The following CDH13 variants were observed in gnomAD, a reference collection of about 807,000 sequenced individuals.
CDH13 encodes the protein cadherin 13.
Under a neutral mutation model 63.8 loss-of-function variants are expected in CDH13, and 24 were observed. The ratio of observed to expected loss-of-function variants is 0.38; its 90% confidence interval spans 0.27 to 0.53. CDH13 has a LOEUF of 0.53. Ranked by LOEUF, CDH13 falls within the 20% of genes least tolerant of loss-of-function variation. The pLI is 0.85. For missense variants in CDH13, 1,049 were observed against 903.1 expected (o/e 1.16, Z -2.07); for synonymous variants, 503 against 355.3 (o/e 1.42, Z -4.67).
At chr16:83,168,881 A>G (rs146111641) in intron 4 of CDH13, among the ~76,000 whole-genome samples, 1 of 152,260 alleles carries the variant, frequency 6.6e-6, no homozygotes, top group African/African-American at 2.4e-5. Flanking sequence ...AAAACATCTC[A>G]TGGACTCTCA....
intron 1 of CDH13, among the ~76,000 whole-genome samples, chr16:82,741,008 C>A (rs929547176): frequency 6.6e-6 from 1 of 152,134 alleles, no homozygotes; most frequent in African/African-American, 2.4e-5. Context: ...ATTGAATAAC[C>A]CAAGCTAAAA....
chr16:83,069,432 A>G (rs1266220626), intron 3 of CDH13, among the ~76,000 whole-genome samples: 1 of 152,176 alleles, frequency 6.6e-6, no homozygotes, highest in Non-Finnish European at 1.5e-5. Flanking sequence ...CGTGCCAGGC[A>G]TTGTTTTATG....
intron 10 of CDH13, among the ~76,000 whole-genome samples, chr16:83,688,043 A>G (rs184276190): frequency 3.3e-5 from 5 of 152,368 alleles, no homozygotes; most frequent in Admixed American, 2.0e-4. Flanking sequence ...CTGGTAAAGA[A>G]TACAACATAG....
At chr16:83,344,403 A>G (rs948237373) in intron 5 of CDH13, among the ~76,000 whole-genome samples, 12 of 152,212 alleles carry the variant, frequency 7.9e-5, no homozygotes, top group Non-Finnish European at 1.3e-4. Flanking sequence ...AAAGCCCCCA[A>G]CAAATACTGA....
rs1224221608 is a variant in CDH13 at position 83,045,060 on chromosome 16, C to A, written c.366+12842C>A. Among the ~76,000 whole-genome samples the A allele has an allele frequency of 2.6e-5, 4 of 152,136 alleles. No individual in the cohort carries two copies. The East Asian group carries it at 7.7e-4, about 29-fold the overall frequency. On this transcript the variant is annotated intron_variant, in intron 3 of 13. Coordinates refer to ENST00000567109, the MANE Select transcript of CDH13 (RefSeq NM_001257.5). Reference sequence around the variant, plus strand: ...CTTTTTACAATTCCTCTCTTATCTGCAACTCCCAGAGAGATTCACATGGAG... The same window carrying A: ...CTTTTTACAATTCCTCTCTTATCTGAAACTCCCAGAGAGATTCACATGGAG...
At chr16:83,389,169 T>C (rs1411978189) in intron 6 of CDH13, among the ~76,000 whole-genome samples, 2 of 152,234 alleles carry the variant, frequency 1.3e-5, no homozygotes, top group Non-Finnish European at 1.5e-5. Context: ...TTTTCATTTT[T>C]TAATTAAAGA....
chr16:83,338,680 G>A (rs1042336171), intron 5 of CDH13, among the ~76,000 whole-genome samples: 2 of 152,226 alleles, frequency 1.3e-5, no homozygotes, highest in Non-Finnish European at 2.9e-5. Context: ...AAGATCTGAA[G>A]GATGAATAGC....
intron 6 of CDH13, among the ~76,000 whole-genome samples, chr16:83,443,416 A>G (rs900005473): frequency 6.6e-6 from 1 of 152,186 alleles, no homozygotes; most frequent in African/African-American, 2.4e-5. Context: ...GAATGTTACG[A>G]AAAGGTTTGA....
At chr16:82,929,558 A>G (rs546142005) in intron 2 of CDH13, among the ~76,000 whole-genome samples, 9 of 147,512 alleles carry the variant, frequency 6.1e-5, no homozygotes, top group African/African-American at 2.0e-4. Flanking sequence ...AGGCTGAAGC[A>G]GGAGAATGGC....
chr16:82,712,361 T>G (rs964687914), intron 1 of CDH13, among the ~76,000 whole-genome samples: 3 of 152,182 alleles, frequency 2.0e-5, no homozygotes, highest in African/African-American at 2.4e-5. Context: ...AAATGCTCCC[T>G]TCTGGGACTC....
At chr16:83,750,500 A>G (rs1172390738) in intron 11 of CDH13, among the ~76,000 whole-genome samples, 1 of 152,152 alleles carries the variant, frequency 6.6e-6, no homozygotes, top group African/African-American at 2.4e-5. Flanking sequence ...CCCTGGTTCC[A>G]TAGCATGTAC....
chr16:83,680,509 A>G (rs1915318633), intron 10 of CDH13, among the ~76,000 whole-genome samples: 1 of 152,166 alleles, frequency 6.6e-6, no homozygotes, highest in African/African-American at 2.4e-5. Flanking sequence ...GGGAGAGCTG[A>G]GACATTAAGG....
intron 10 of CDH13, among the ~76,000 whole-genome samples, chr16:83,700,693 A>G (rs1302448848): frequency 6.6e-6 from 1 of 152,246 alleles, no homozygotes; most frequent in Non-Finnish European, 1.5e-5. Context: ...TCGTCACAAA[A>G]AAATTAACAA....
chr16:83,411,153 T>C (rs1446600418), intron 6 of CDH13, among the ~76,000 whole-genome samples: 1 of 152,166 alleles, frequency 6.6e-6, no homozygotes, highest in African/African-American at 2.4e-5. Flanking sequence ...CTCATTCCTG[T>C]CTCAGGGACC....
intron 7 of CDH13, among the ~76,000 whole-genome samples, chr16:83,518,587 C>G (rs1200849242): frequency 1.3e-5 from 2 of 151,762 alleles, no homozygotes; most frequent in Admixed American, 1.3e-4. Context: ...ATTCTCCTGC[C>G]TCAGCCTTCC....
rs191468693 is a variant in CDH13, at chr16:83,382,667, T to C, written c.781+37661T>C. ...ATCTCCACACCCCGTTCAGGGTTTT[T>C]CTAGCCCTCCTACCTTTCCCTTCTT... On this transcript the variant is annotated intron_variant, in intron 6 of 13. Coordinates refer to ENST00000567109, the MANE Select transcript of CDH13 (RefSeq NM_001257.5). Among the ~76,000 whole-genome samples the C allele has an allele frequency of 3.5e-3, 538 of 152,266 alleles. 12 individuals are homozygous for C. Among genetic ancestry groups the C allele is most frequent in the Admixed American group, 0.031 (468 of 15,294 alleles).
intron 1 of CDH13, among the ~76,000 whole-genome samples, chr16:82,716,880 G>A (rs8059776): frequency 1.3e-5 from 2 of 151,344 alleles, no homozygotes; most frequent in Admixed American, 1.3e-4. Flanking sequence ...ACACGGGTCC[G>A]TCGTAAGATG....
At chr16:83,512,050 G>A (rs931930963) in intron 7 of CDH13, among the ~76,000 whole-genome samples, 5 of 152,122 alleles carry the variant, frequency 3.3e-5, no homozygotes, top group Admixed American at 6.5e-5. Flanking sequence ...GGCCAGGCGC[G>A]GTGGCTCACG....
At chr16:83,220,981 G>C (rs375622259) in intron 5 of CDH13, among the ~76,000 whole-genome samples, 6 of 152,184 alleles carry the variant, frequency 3.9e-5, no homozygotes, top group African/African-American at 1.4e-4. Context: ...TTTCACACAA[G>C]AGACTTAAGA....
Sources: allele counts gnomAD v4.1 joint callset (sites outside exome capture counted in the v4.1 genomes callset), GRCh38; gene constraint gnomAD v4.1.1; transcripts MANE v1.5; gene names NCBI Gene and HGNC (gene_info 2026-07-23, HGNC 2026-07-21).